The following GLI3 variants were observed in gnomAD, a reference collection of about 807,000 sequenced individuals.
GLI3 encodes the protein transcription activator GLI3.
Under a neutral mutation model 100.8 loss-of-function variants are expected in GLI3, and 20 were observed. The observed-to-expected ratio is 0.20, with a 90% CI of 0.14 to 0.29. The LOEUF (loss-of-function observed/expected upper bound fraction) is 0.29, where lower values mean the gene tolerates loss of function less well. Ranked by LOEUF, GLI3 falls within the 10% of genes least tolerant of loss-of-function variation. The probability of loss-of-function intolerance (pLI) is 1.00; values close to 1 mark genes in which losing one functional copy is unlikely to be tolerated. For synonymous variants in GLI3, 938 were observed against 860.5 expected (o/e 1.09, Z -1.58); for missense variants, 2,040 against 2,128.5 (o/e 0.96, Z 0.82).
chr7:42,068,770 G>C (rs1026096858), intron 4 of GLI3, among the ~76,000 whole-genome samples: 8 of 152,042 alleles, frequency 5.3e-5, no homozygotes, highest in African/African-American at 1.9e-4. Flanking sequence ...AAAAAAGTGG[G>C]GCTCTGTTAC....
At position 42,092,957 on chromosome 7, in the gene GLI3, A is replaced by C. The variant is rs911823464; in HGVS notation, c.368-16100T>G. On this transcript the variant is annotated intron_variant, in intron 3 of 14. Transcript: ENST00000395925. Reference sequence around the variant, plus strand: ...GCCTCCTGAGTAACTGGGATTACAGACACCCGCCACCACGCCTGGCTAATT... The same window carrying C: ...GCCTCCTGAGTAACTGGGATTACAGCCACCCGCCACCACGCCTGGCTAATT... Among the ~76,000 whole-genome samples the C allele has an allele frequency of 2.4e-4, 37 of 151,636 alleles. 1 individual carries two copies. Among genetic ancestry groups the C allele is most frequent in the Admixed American group, 5.9e-4 (9 of 15,234 alleles).
chr7:42,132,597 T>A (rs1786319077), intron 3 of GLI3, among the ~76,000 whole-genome samples: 1 of 152,188 alleles, frequency 6.6e-6, no homozygotes, highest in Non-Finnish European at 1.5e-5. Flanking sequence ...CTTTTTCAAA[T>A]CCATTTCAAG....
intron 4 of GLI3, among the ~76,000 whole-genome samples, chr7:42,071,073 T>C (rs1784774993): frequency 6.6e-6 from 1 of 152,204 alleles, no homozygotes. Flanking sequence ...CCTATTATTT[T>C]TATCATCATT....
At chr7:42,103,385 A>C (rs1785508213) in intron 3 of GLI3, among the ~76,000 whole-genome samples, 1 of 152,068 alleles carries the variant, frequency 6.6e-6, no homozygotes, top group East Asian at 1.9e-4. Context: ...TAAACCCCCC[A>C]CAGTGCCATA....
At chr7:42,214,095 C>T (rs1223220882) in intron 2 of GLI3, among the ~76,000 whole-genome samples, 1 of 152,188 alleles carries the variant, frequency 6.6e-6, no homozygotes, top group African/African-American at 2.4e-5. Flanking sequence ...TCCAAGGCCC[C>T]GTTATTTCAT....
chr7:42,094,821 A>G (rs1785303148), intron 3 of GLI3, among the ~76,000 whole-genome samples: 1 of 152,164 alleles, frequency 6.6e-6, no homozygotes, highest in Non-Finnish European at 1.5e-5. Flanking sequence ...GGATTCCCAA[A>G]AGCCTAATAA....
At chr7:42,040,263 C>G (rs756550206) in intron 6 of GLI3, 24 bp from the exon 7 acceptor site, 6 of 1,535,988 alleles carry the variant, frequency 3.9e-6, no homozygotes, top group Non-Finnish European at 5.4e-6. Context: ...AAAAAAGAAC[C>G]TAATTACCTG....
chr7:42,056,716 T>C (rs929930379), intron 4 of GLI3, among the ~76,000 whole-genome samples: 1 of 152,034 alleles, frequency 6.6e-6, no homozygotes, highest in African/African-American at 2.4e-5. Context: ...TTTGGGAGGC[T>C]GAGTCGGGTG....
At chr7:42,053,675 C>T (rs111379765) in intron 4 of GLI3, among the ~76,000 whole-genome samples, 1 of 152,256 alleles carries the variant, frequency 6.6e-6, no homozygotes, top group African/African-American at 2.4e-5. Context: ...TTGTGGCAGT[C>T]CACCTTCTCT....
Position 41,965,269 on chromosome 7 carries a change from G to A in GLI3, c.3804C>T (p.Leu1268=), listed in dbSNP as rs373193430. The A allele has an allele frequency of 2.0e-5, 32 of 1,613,488 alleles. No individual in the cohort carries two copies. Among genetic ancestry groups the A allele is most frequent in the African/African-American group, 2.7e-5 (2 of 74,936 alleles). ...GAATCCCGGCACCACAGGCACCGTC[G>A]AGTGCACCAGGGGCCACTGGCTGCC... ...LNRQPVAPGA[L]DGACGAGIQA... Residue 1268 remains leucine (L), a synonymous_variant, in exon 15 of 15, where the codon CTC becomes CTT. Transcript: ENST00000395925.
chr7:42,261,042 G>A lies in GLI3; in HGVS notation c.-43+2952C>T, dbSNP rs545973366. Among the ~76,000 whole-genome samples the A allele has an allele frequency of 8.5e-4, 130 of 152,290 alleles. 1 individual carries two copies. The highest frequency in any genetic ancestry group is 3.4e-3 in the Middle Eastern group (1 of 294). On this transcript the variant is annotated intron_variant, in intron 1 of 2. Coordinates refer to the GLI3 transcript ENST00000678978. ...AAGACTGGGTAATTCATAAAGAAAAGAAGTTTAATTGGCCTACAGTTCTGC... is the reference window on the plus strand; with the variant it reads ...AAGACTGGGTAATTCATAAAGAAAAAAAGTTTAATTGGCCTACAGTTCTGC...
chr7:42,125,825 G>A (rs558617905), intron 3 of GLI3, among the ~76,000 whole-genome samples: 1 of 152,266 alleles, frequency 6.6e-6, no homozygotes, highest in South Asian at 2.1e-4. Flanking sequence ...GTTCGATGGA[G>A]CTGGGCGCCA....
At chr7:42,124,711 T>C (rs1327238847) in intron 3 of GLI3, among the ~76,000 whole-genome samples, 1 of 152,226 alleles carries the variant, frequency 6.6e-6, no homozygotes, top group Non-Finnish European at 1.5e-5. Context: ...TGAAATGCTT[T>C]GTTCAACTAA....
In GLI3 at chr7:42,257,122, G is replaced by T. The variant is rs192821550; in HGVS notation, c.-43+6872C>A. Among the ~76,000 whole-genome samples, 687 of 152,078 alleles carry T rather than the reference G, an allele frequency of 4.5e-3. 2 individuals carry two copies. Among genetic ancestry groups the T allele is most frequent in the Middle Eastern group, 0.027 (8 of 294 alleles). On this transcript the variant is annotated intron_variant, in intron 1 of 2. Coordinates refer to the GLI3 transcript ENST00000678978. ...CCATTGATTTTGATATATTGATCTT[G>T]TATCTTGAACCTTGCTAAAATAGTT... is the stretch of plus-strand genomic sequence containing the variant.
At chr7:42,040,857 T>C (rs1784121327) in intron 6 of GLI3, among the ~76,000 whole-genome samples, 1 of 152,150 alleles carries the variant, frequency 6.6e-6, no homozygotes, top group Non-Finnish European at 1.5e-5. Flanking sequence ...TGACAACATC[T>C]GAAGACATTC....
In GLI3 at chr7:41,965,049, G is replaced by A; in HGVS notation, c.4024C>T (p.Gln1342Ter). 1.2e-6 allele frequency: 2 copies of A among 1,613,890 alleles called. No homozygotes were observed. Among genetic ancestry groups the A allele is most frequent in the Non-Finnish European group, 8.5e-7 (1 of 1,179,998 alleles). The change falls in exon 15 of 15, where the codon CAG becomes TAG. Residue 1342 changes from glutamine to a stop codon, truncating the protein, a stop_gained. Coordinates refer to ENST00000395925, the MANE Select transcript of GLI3 (RefSeq NM_000168.6). LOFTEE classifies it high-confidence loss of function. ...GCACTAATCTGCCCAAGCATCTGCT[G>A]ACCGGGGCGGCCTGCCCCCGGGTGC... ...MQHPGAGRPG[Q>*]QMLGQISATS...
intron 3 of GLI3, among the ~76,000 whole-genome samples, chr7:42,147,380 A>T (rs1786739519): frequency 6.6e-6 from 1 of 152,208 alleles, no homozygotes; most frequent in Non-Finnish European, 1.5e-5. Flanking sequence ...CCCTCACTGG[A>T]GCTCAATGGA....
At chr7:42,205,758 C>A (rs139057992) in intron 2 of GLI3, among the ~76,000 whole-genome samples, 3 of 152,156 alleles carry the variant, frequency 2.0e-5, no homozygotes, top group African/African-American at 2.4e-5. Context: ...TTATTTCCTA[C>A]GTATTTTCTT....
intron 12 of GLI3, among the ~76,000 whole-genome samples, chr7:41,974,357 TGTATACC>T (rs879904990): frequency 3.9e-5 from 6 of 152,164 alleles, no homozygotes; most frequent in Non-Finnish European, 8.8e-5. Context: ...GTTCAGGAAA[TGTATACC>T]TCACAACAAC....
Sources: allele counts gnomAD v4.1 joint callset (sites outside exome capture counted in the v4.1 genomes callset), GRCh38; gene constraint gnomAD v4.1.1; transcripts MANE v1.5; gene names NCBI Gene and HGNC (gene_info 2026-07-23, HGNC 2026-07-21).